CNTNAP5: variants seen among roughly 807,000 people sequenced by gnomAD.
CNTNAP5 encodes the protein contactin associated protein family member 5.
A neutral mutation model predicts 150.2 loss-of-function variants in CNTNAP5; 72 were observed. The observed-to-expected ratio is 0.48, with a 90% CI of 0.40 to 0.58. The LOEUF is 0.58. Ranked by LOEUF, CNTNAP5 falls within the 20% of genes least tolerant of loss-of-function variation. The pLI, the probability that CNTNAP5 is intolerant of heterozygous loss-of-function variation, is 0.00. For missense variants in CNTNAP5, 1,636 were observed against 1,626.2 expected (o/e 1.01, Z -0.10); for synonymous variants, 672 against 619.8 (o/e 1.08, Z -1.25).
In CNTNAP5 at chr2:124,299,180, A is replaced by G. The variant is rs185313983; in HGVS notation, c.381+56787A>G. ...GTTCCACGCAGGAAGAGGAGGGGCC[A>G]GGCTCTTCCCCACTGCAATTGGTGC... On this transcript the variant is annotated intron_variant, in intron 3 of 23. Transcript: ENST00000682447. Among the ~76,000 whole-genome samples, 476 of 152,314 alleles carry G rather than the reference A, an allele frequency of 3.1e-3. 4 individuals carry two copies. Among genetic ancestry groups the G allele is most frequent in the African/African-American group, 0.011 (456 of 41,580 alleles).
At chr2:124,603,054 CCTT>C (rs894834180) in intron 11 of CNTNAP5, among the ~76,000 whole-genome samples, 11 of 133,166 alleles carry the variant, frequency 8.3e-5, no homozygotes, top group Admixed American at 3.2e-4. Flanking sequence ...TTCCTTCCTT[CCTT>C]CTTCTTTTCT....
intron 3 of CNTNAP5, among the ~76,000 whole-genome samples, chr2:124,278,523 G>C (rs780051): frequency 0.44 from 67,325 of 151,932 alleles, 15,022 homozygotes; most frequent in Admixed American, 0.49. Flanking sequence ...CAGTCAGTGA[G>C]TTCAACATTT....
chr2:124,051,265 T>A (rs1483151964), intron 1 of CNTNAP5, among the ~76,000 whole-genome samples: 1 of 151,838 alleles, frequency 6.6e-6, no homozygotes, highest in Non-Finnish European at 1.5e-5. Flanking sequence ...GTTCAACAGG[T>A]GGTCTAAGGT....
intron 10 of CNTNAP5, 121 bp downstream of exon 10, chr2:124,527,577 T>A: frequency 1.4e-6 from 1 of 706,338 alleles, no homozygotes; most frequent in Non-Finnish European, 2.2e-6. Flanking sequence ...CATAATTGAG[T>A]TGCCTAATGG....
rs760848365 is a variant in CNTNAP5 at position 124,227,633 on chromosome 2, C to CGTGTGTGTGT, written c.187+5830_187+5831insGTGTGTGTGT. ...TTATACAAATATAAACTCAGCACAT[C>CGTGTGTGTGT]GTGTGTATGTGTGTGTGTGTGTGTG... On this transcript the variant is annotated intron_variant, in intron 2 of 23. Transcript: ENST00000682447. Among the ~76,000 whole-genome samples the CGTGTGTGTGT allele has an allele frequency of 1.5e-3, 188 of 122,092 alleles. 1 individual carries two copies. The highest frequency in any genetic ancestry group is 4.3e-3 in the Middle Eastern group (1 of 234). The allele number at this position is 122,092 out of a possible 152,430, so 80.1% of individuals were successfully genotyped here.
At chr2:124,515,996 A>G (rs1339112797) in intron 8 of CNTNAP5, among the ~76,000 whole-genome samples, 1 of 152,176 alleles carries the variant, frequency 6.6e-6, no homozygotes, top group Non-Finnish European at 1.5e-5. Context: ...CCTCTATCAG[A>G]AAGAGACAGG....
At chr2:124,805,459 C>T (rs1358884277) in intron 19 of CNTNAP5, among the ~76,000 whole-genome samples, 1 of 152,144 alleles carries the variant, frequency 6.6e-6, no homozygotes, top group Non-Finnish European at 1.5e-5. Context: ...GGAAACTCCC[C>T]ACCTCAACCC....
intron 6 of CNTNAP5, 49 bp downstream of exon 6, chr2:124,446,986 A>C (rs1692836956): frequency 1.3e-6 from 2 of 1,561,256 alleles, no homozygotes; most frequent in Non-Finnish European, 8.8e-7. Flanking sequence ...GCTTCAATGA[A>C]CGCAGCAAGA....
intron 19 of CNTNAP5, among the ~76,000 whole-genome samples, chr2:124,817,458 A>G (rs957929372): frequency 6.6e-6 from 1 of 152,222 alleles, no homozygotes; most frequent in Non-Finnish European, 1.5e-5. Context: ...GCCCTGAGTT[A>G]ACTTAGAATA....
At chr2:124,735,883 T>C (rs1251058312) in intron 13 of CNTNAP5, among the ~76,000 whole-genome samples, 4 of 152,140 alleles carry the variant, frequency 2.6e-5, no homozygotes, top group African/African-American at 9.7e-5. Context: ...GTGTTACGGA[T>C]ATCCAACTTT....
At chr2:124,088,348 T>C (rs2104683259) in intron 1 of CNTNAP5, among the ~76,000 whole-genome samples, 1 of 152,302 alleles carries the variant, frequency 6.6e-6, no homozygotes, top group East Asian at 1.9e-4. Flanking sequence ...CAGTTTTTCA[T>C]TTGTTTCCAG....
At chr2:124,285,650 A>T (rs1419374647) in intron 3 of CNTNAP5, among the ~76,000 whole-genome samples, 5 of 151,948 alleles carry the variant, frequency 3.3e-5, no homozygotes. Context: ...GAAAAAAAAA[A>T]AAATTAGCCA....
At chr2:124,732,302 T>G (rs1680289081) in intron 13 of CNTNAP5, among the ~76,000 whole-genome samples, 1 of 152,162 alleles carries the variant, frequency 6.6e-6, no homozygotes, top group South Asian at 2.1e-4. Flanking sequence ...TTAGAAAATT[T>G]TAATGGATCA....
At chr2:124,898,679 T>G (rs534778778) in intron 21 of CNTNAP5, among the ~76,000 whole-genome samples, 1 of 151,628 alleles carries the variant, frequency 6.6e-6, no homozygotes, top group South Asian at 2.1e-4. Context: ...TGTGAATCAG[T>G]AGTAAATGGA....
intron 19 of CNTNAP5, among the ~76,000 whole-genome samples, chr2:124,859,076 A>G (rs569308273): frequency 6.6e-6 from 1 of 152,168 alleles, no homozygotes; most frequent in African/African-American, 2.4e-5. Context: ...ATTAAACTAA[A>G]GAGCTTCTGC....
At chr2:124,592,180 A>T (rs868136875) in intron 11 of CNTNAP5, among the ~76,000 whole-genome samples, 2 of 152,146 alleles carry the variant, frequency 1.3e-5, no homozygotes, top group Non-Finnish European at 2.9e-5. Flanking sequence ...TTTTTAAAAA[A>T]ATATGGAAAC....
chr2:124,709,194 G>A (rs1679755465), intron 13 of CNTNAP5, among the ~76,000 whole-genome samples: 1 of 151,780 alleles, frequency 6.6e-6, no homozygotes, highest in African/African-American at 2.4e-5. Context: ...AAGAGGAACT[G>A]CAAGCTTCCT....
At chr2:124,554,317 G>C (rs1420418991) in intron 10 of CNTNAP5, among the ~76,000 whole-genome samples, 2 of 151,640 alleles carry the variant, frequency 1.3e-5, no homozygotes, top group East Asian at 3.9e-4. Flanking sequence ...TGTCAAACTT[G>C]AACATTCAGA....
intron 3 of CNTNAP5, among the ~76,000 whole-genome samples, chr2:124,274,318 C>T (rs17722506): frequency 0.09 from 13,640 of 152,208 alleles, 694 homozygotes; most frequent in Non-Finnish European, 0.12. Context: ...ATAAGGTACA[C>T]TTTAATTTTC....
Sources: allele counts gnomAD v4.1 joint callset (sites outside exome capture counted in the v4.1 genomes callset), GRCh38; gene constraint gnomAD v4.1.1; transcripts MANE v1.5; gene names NCBI Gene and HGNC (gene_info 2026-07-23, HGNC 2026-07-21).